The following PCSK5 variants were observed in gnomAD, a reference collection of about 807,000 sequenced individuals.
PCSK5 encodes prohormone convertase 5.
A neutral mutation model predicts 233.2 loss-of-function variants in PCSK5; 129 were observed. The observed-to-expected ratio is 0.55, with a 90% CI of 0.48 to 0.64. The LOEUF is 0.64. Among genes scored for constraint, PCSK5 ranks in the 30% least tolerant of loss-of-function variants. The pLI is 0.00. For synonymous variants in PCSK5, 825 were observed against 879.2 expected (o/e 0.94, Z 1.09); for missense variants, 2,076 against 2,430.1 (o/e 0.85, Z 3.06).
chr9:76,080,146 CT>C (rs907766212), intron 7 of PCSK5, among the ~76,000 whole-genome samples: 1 of 152,066 alleles, frequency 6.6e-6, no homozygotes, highest in Non-Finnish European at 1.5e-5. Context: ...CTCCAACTTT[CT>C]TTTTCCATTA....
intron 8 of PCSK5, among the ~76,000 whole-genome samples, chr9:76,099,503 C>T (rs191463153): frequency 1.3e-5 from 2 of 152,158 alleles, no homozygotes; most frequent in African/African-American, 4.8e-5. Flanking sequence ...AGGTGCCTAT[C>T]GCACCTCAGT....
rs118070185 is a variant in PCSK5 at position 75,974,262 on chromosome 9, C to T, written c.298-11870C>T. Among the ~76,000 whole-genome samples the T allele has an allele frequency of 1.0e-3, 156 of 152,276 alleles. 3 individuals carry two copies. In the East Asian group the frequency reaches 0.028, roughly 27 times the overall value. On this transcript the variant is annotated intron_variant, in intron 2 of 37. Coordinates refer to ENST00000674117, the MANE Select transcript of PCSK5 (RefSeq NM_001372043.1). ...TCCCGTAGGGCTGGCGTAGGACCGA[C>T]GGGAGCTCCAGCCGGTGCACTCATT...
chr9:76,206,787 A>G (rs1400183838), intron 20 of PCSK5, among the ~76,000 whole-genome samples: 1 of 152,226 alleles, frequency 6.6e-6, no homozygotes, highest in African/African-American at 2.4e-5. Context: ...ACTCGCCTAT[A>G]CTGAACTGCA....
chr9:75,891,106 C>G lies in PCSK5; in HGVS notation c.-76C>G. ...GGGGCTGCTCGCCGGGCGGCGCAGG[C>G]CGGAGAAGTTAGTTGTGCGCGCCCT... On this transcript the variant is annotated 5_prime_UTR_variant, in exon 1 of 38. Transcript: ENST00000674117. 5.8e-5 allele frequency: 68 copies of G among 1,176,546 alleles called. No homozygotes were observed. Among genetic ancestry groups the G allele is most frequent in the Non-Finnish European group, 7.3e-5 (66 of 899,932 alleles). 72.9% of individuals were successfully genotyped at this position (1,176,546 alleles called of 1,614,324 possible).
intron 1 of PCSK5, among the ~76,000 whole-genome samples, chr9:75,913,970 C>T (rs1016832710): frequency 6.6e-6 from 1 of 152,100 alleles, no homozygotes; most frequent in Non-Finnish European, 1.5e-5. Context: ...CTTTTTTCTC[C>T]TCTTTTAATC....
intron 10 of PCSK5, among the ~76,000 whole-genome samples, chr9:76,155,040 G>T (rs116022175): frequency 0.011 from 1,633 of 152,194 alleles, 36 homozygotes; most frequent in African/African-American, 0.035. Context: ...GTTTTAAAAT[G>T]AATATGCTTA....
Position 76,169,788 on chromosome 9 carries a change from G to A in PCSK5, c.1704G>A (p.Trp568Ter). 6.2e-7 allele frequency: 1 copy of A among 1,613,642 alleles called. No individual in the cohort carries two copies. The highest frequency in any genetic ancestry group is 8.5e-7 in the Non-Finnish European group (1 of 1,179,684). ...HCWGERAAGDWVLEVYDTPSQ... is the reference protein window; with the variant it reads ...HCWGERAAGD ...GGGGAGAAAGAGCTGCTGGTGACTG[G>A]GTCCTTGAAGTTTATGATACTCCCT... The change falls in exon 13 of 38, where the codon TGG becomes TGA. Residue 568 changes from tryptophan to a stop codon, truncating the protein, a stop_gained. Coordinates refer to ENST00000674117, the MANE Select transcript of PCSK5 (RefSeq NM_001372043.1). LOFTEE classifies it high-confidence loss of function.
chr9:76,108,425 G>A (rs1832066732), intron 9 of PCSK5, among the ~76,000 whole-genome samples: 1 of 152,198 alleles, frequency 6.6e-6, no homozygotes, highest in Non-Finnish European at 1.5e-5. Context: ...GACAGAGAAG[G>A]AATACAAGGA....
chr9:76,165,072 C>T (rs1447424784), intron 12 of PCSK5, among the ~76,000 whole-genome samples: 2 of 151,764 alleles, frequency 1.3e-5, no homozygotes, highest in Admixed American at 1.3e-4. Flanking sequence ...TTTTAAATAC[C>T]CTGTATCAGA....
In PCSK5 at chr9:76,041,843, G is replaced by GGAAAAAA. The variant is rs1554677386; in HGVS notation, c.632+14806_632+14807insGAAAAAA. ...GACAGAGCAAGACTCTGTCTCAAGG[G>GGAAAAAA]AAAAAAAAAAAAAAAAGATTTTATA... On this transcript the variant is annotated intron_variant, in intron 5 of 37. Transcript: ENST00000674117. Among the ~76,000 whole-genome samples the GGAAAAAA allele has an allele frequency of 4.6e-5, 6 of 131,024 alleles. 1 individual carries two copies. The highest frequency in any genetic ancestry group is 8.3e-5 in the Non-Finnish European group (5 of 60,224). The allele number at this position is 131,024 out of a possible 152,430, so 86.0% of individuals were successfully genotyped here.
At chr9:76,351,520 GA>G (rs1157297108) in intron 36 of PCSK5, among the ~76,000 whole-genome samples, 106 of 119,180 alleles carry the variant, frequency 8.9e-4, no homozygotes, top group East Asian at 2.0e-3. Context: ...AAGAAAGAAA[GA>G]AAGAAAGAAA....
rs888076805 is a variant in PCSK5, at chr9:76,239,014, A to T, written c.2922A>T (p.Pro974=). 9 of 1,612,148 alleles carry T rather than the reference A, an allele frequency of 5.6e-6. No homozygotes were observed. Among genetic ancestry groups the T allele is most frequent in the Non-Finnish European group, 7.6e-6 (9 of 1,179,692 alleles). The change falls in exon 23 of 38, where the codon CCA becomes CCT. Residue 974 remains proline, a synonymous_variant. Transcript: ENST00000674117. The part of the protein sequence containing the change: ...LYQGECGDSC[P]EGHYATEGNT... The stretch of plus-strand genomic sequence containing the variant: ...AGGGAGAGTGTGGAGATAGCTGCCC[A>T]GAGGGCCACTATGCCACTGAGGGGA...
At chr9:76,125,651 T>C (rs1832818754) in intron 9 of PCSK5, among the ~76,000 whole-genome samples, 1 of 152,172 alleles carries the variant, frequency 6.6e-6, no homozygotes. Flanking sequence ...TCTGTACTTT[T>C]GGAGGTACAT....
At chr9:75,978,877 TTTC>T (rs1211180918) in intron 2 of PCSK5, among the ~76,000 whole-genome samples, 4 of 148,478 alleles carry the variant, frequency 2.7e-5, no homozygotes, top group Non-Finnish European at 6.0e-5. Context: ...CCCTTTTTTT[TTTC>T]TTTTTTTCTG....
chr9:76,246,474 T>C (rs1826602039), intron 24 of PCSK5, among the ~76,000 whole-genome samples: 1 of 152,116 alleles, frequency 6.6e-6, no homozygotes, highest in Non-Finnish European at 1.5e-5. Flanking sequence ...TATTGCTTCC[T>C]GGTGGGAAGA....
intron 2 of PCSK5, among the ~76,000 whole-genome samples, chr9:75,949,263 G>C: frequency 6.6e-6 from 1 of 151,660 alleles, no homozygotes; most frequent in East Asian, 1.9e-4. Context: ...CTAGGGTTAA[G>C]AATACCAGTA....
At chr9:75,962,586 T>C (rs1825402114) in intron 2 of PCSK5, among the ~76,000 whole-genome samples, 2 of 152,198 alleles carry the variant, frequency 1.3e-5, no homozygotes, top group African/African-American at 4.8e-5. Flanking sequence ...TGTGCCTGGC[T>C]CCACTGTGCA....
intron 24 of PCSK5, among the ~76,000 whole-genome samples, chr9:76,273,823 T>C (rs1392334783): frequency 6.6e-6 from 1 of 150,622 alleles, no homozygotes; most frequent in Non-Finnish European, 1.5e-5. Context: ...TTTTCTTTTT[T>C]TTTTTGTAGA....
chr9:76,157,025 C>T lies in PCSK5; in HGVS notation c.1313-20C>T. 6.4e-7 allele frequency: 1 copy of T among 1,554,766 alleles called. No individual in the cohort carries two copies. The highest frequency in any genetic ancestry group is 8.9e-7 in the Non-Finnish European group (1 of 1,125,864). ...ACCTATGTAGCTTAGTGAAGCTGAC[C>T]AGTCTCTCGCTTTCCACAGTGAGCC... On this transcript the variant is annotated intron_variant, in intron 10 of 37. Transcript: ENST00000674117.
Sources: allele counts gnomAD v4.1 joint callset (sites outside exome capture counted in the v4.1 genomes callset), GRCh38; gene constraint gnomAD v4.1.1; transcripts MANE v1.5; gene names NCBI Gene and HGNC (gene_info 2026-07-23, HGNC 2026-07-21).